The following SASS6 variants were observed in gnomAD, a reference collection of about 807,000 sequenced individuals.
SASS6 encodes SAS-6 centriolar assembly protein, also known as spindle assembly abnormal protein 6 homolog.
A neutral mutation model predicts 94.9 loss-of-function variants in SASS6; 59 were observed. That is an observed-to-expected ratio of 0.62 (90% confidence interval 0.50 to 0.77). SASS6 has a LOEUF of 0.77. Ranked by LOEUF, SASS6 falls within the 30% of genes least tolerant of loss-of-function variation. SASS6 has a pLI of 0.00. For synonymous variants in SASS6, 264 were observed against 270.0 expected (o/e 0.98, Z 0.22); for missense variants, 698 against 734.1 (o/e 0.95, Z 0.57).
At chr1:100,125,227 G>GTGTGTGTGTGTA (rs1362199283) in intron 2 of SASS6, among the ~76,000 whole-genome samples, 1 of 147,540 alleles carries the variant, frequency 6.8e-6, no homozygotes, top group African/African-American at 2.6e-5. Flanking sequence ...GCAGCAGTGT[G>GTGTGTGTGTGTA]TGTGTGTGTG....
At chr1:100,112,800 A>G (rs948811151) in intron 7 of SASS6, among the ~76,000 whole-genome samples, 1 of 152,226 alleles carries the variant, frequency 6.6e-6, no homozygotes, top group African/African-American at 2.4e-5. Flanking sequence ...GGTATCAGCT[A>G]AGAACCTATC....
intron 14 of SASS6, among the ~76,000 whole-genome samples, chr1:100,100,874 G>A (rs2101653702): frequency 6.6e-6 from 1 of 152,326 alleles, no homozygotes; most frequent in African/African-American, 2.4e-5. Flanking sequence ...TTGAGTCGGG[G>A]AGGACAAAGT....
chr1:100,093,893 T>C (rs1651934643), intron 14 of SASS6, among the ~76,000 whole-genome samples: 1 of 152,102 alleles, frequency 6.6e-6, no homozygotes, highest in African/African-American at 2.4e-5. Context: ...TAGATTAACA[T>C]AGAACTCTTA....
At chr1:100,088,032 T>C (rs927634857) in intron 15 of SASS6, 107 bp downstream of exon 15, 14 of 552,268 alleles carry the variant, frequency 2.5e-5, no homozygotes, top group African/African-American at 1.9e-4. Flanking sequence ...TAACTTGAAA[T>C]GTCTCAGGTA....
intron 14 of SASS6, among the ~76,000 whole-genome samples, chr1:100,088,892 C>T (rs1169108028): frequency 6.8e-6 from 1 of 147,134 alleles, no homozygotes. Flanking sequence ...AGACAATCAA[C>T]AATGTAACAC....
In SASS6 at chr1:100,123,246, A is replaced by AG; in HGVS notation, c.169_170insC (p.Leu57SerfsTer3). On this transcript the variant is annotated frameshift_variant, in exon 3 of 17. Coordinates refer to ENST00000287482, the MANE Select transcript of SASS6 (RefSeq NM_194292.3). LOFTEE classifies it high-confidence loss of function. ...TTCCTCAGATATAACAAGGTTATAT[A>AG]AAAAAAATGGATCCGTGTCATCAGT... 1 of 1,503,268 alleles carries AG rather than the reference A, an allele frequency of 6.7e-7. No individual in the cohort carries two copies. Among genetic ancestry groups the AG allele is most frequent in the Non-Finnish European group, 9.2e-7 (1 of 1,092,122 alleles). 93.1% of individuals were successfully genotyped at this position (1,503,268 alleles called of 1,614,324 possible). A position where few individuals can be genotyped will look rare whatever the true frequency, so the allele number is the denominator to read the frequency against.
chr1:100,112,239 G>A (rs543720691), intron 7 of SASS6, among the ~76,000 whole-genome samples: 61 of 152,074 alleles, frequency 4.0e-4, no homozygotes, highest in African/African-American at 1.3e-3. Flanking sequence ...AGTTTTGGAA[G>A]AATATTAGAT....
At chr1:100,100,350 A>C (rs1652386347) in intron 14 of SASS6, among the ~76,000 whole-genome samples, 1 of 152,334 alleles carries the variant, frequency 6.6e-6, no homozygotes, top group South Asian at 2.1e-4. Context: ...GTTTCACCAC[A>C]AAATGTAAGC....
chr1:100,118,532 C>T (rs2658648), intron 7 of SASS6, among the ~76,000 whole-genome samples: 143,350 of 152,216 alleles, frequency 0.94, 67,552 homozygotes, highest in South Asian at 0.99. Flanking sequence ...ATAACCAAAA[C>T]TTCGAAGCAT....
chr1:100,107,914 T>C lies in SASS6; in HGVS notation c.952A>G (p.Asn318Asp). 6.2e-7 allele frequency: 1 copy of C among 1,612,316 alleles called. No individual in the cohort carries two copies. Among genetic ancestry groups the C allele is most frequent in the Non-Finnish European group, 8.5e-7 (1 of 1,178,534 alleles). Residue 318 changes from asparagine (N) to aspartate (D), a missense_variant, in exon 9 of 17, where the codon AAT (asparagine) becomes GAT (aspartate). Coordinates refer to ENST00000287482, the MANE Select transcript of SASS6 (RefSeq NM_194292.3). Reference sequence around the variant, plus strand: ...ACTGCCACTTTTGTTTGTAGCTGATTAACGTGCTTTTCTTTCTCGTGGCAT... The same window carrying C: ...ACTGCCACTTTTGTTTGTAGCTGATCAACGTGCTTTTCTTTCTCGTGGCAT... ...VECHEKEKHV[N>D]QLQTKVAVLE...
intron 15 of SASS6, among the ~76,000 whole-genome samples, chr1:100,086,086 T>C (rs377565155): frequency 1.4e-5 from 2 of 138,594 alleles, no homozygotes; most frequent in South Asian, 2.1e-4. Context: ...TAAATTCTGA[T>C]CAAATTAATA....
At chr1:100,132,686 C>T in intron 1 of SASS6, 64 bp downstream of exon 1, 2 of 1,332,206 alleles carry the variant, frequency 1.5e-6, no homozygotes, top group South Asian at 1.2e-5. Context: ...GCCAGAACCG[C>T]CATCTTTCCC....
chr1:100,118,198 C>T (rs1653931816), intron 7 of SASS6, among the ~76,000 whole-genome samples: 1 of 152,050 alleles, frequency 6.6e-6, no homozygotes, highest in Admixed American at 6.6e-5. Context: ...GCCTGTAATC[C>T]CAGCTACTTG....
intron 7 of SASS6, among the ~76,000 whole-genome samples, chr1:100,116,309 T>C (rs903560521): frequency 2.6e-5 from 4 of 152,130 alleles, no homozygotes; most frequent in Non-Finnish European, 5.9e-5. Flanking sequence ...ATACTAATAA[T>C]AGGCAAATTA....
intron 1 of SASS6, among the ~76,000 whole-genome samples, chr1:100,126,983 G>A (rs1654666134): frequency 6.6e-6 from 1 of 152,072 alleles, no homozygotes; most frequent in Admixed American, 6.6e-5. Flanking sequence ...TTTTATCCTT[G>A]AGTAAAGTAA....
chr1:100,100,571 C>T (rs1652404178), intron 14 of SASS6, among the ~76,000 whole-genome samples: 1 of 152,182 alleles, frequency 6.6e-6, no homozygotes, highest in Non-Finnish European at 1.5e-5. Context: ...TTTGTCAGAA[C>T]AGCACAATCT....
chr1:100,085,231 T>A lies in SASS6; in HGVS notation c.*97A>T. On this transcript the variant is annotated 3_prime_UTR_variant, in exon 17 of 17. Coordinates refer to ENST00000287482, the MANE Select transcript of SASS6 (RefSeq NM_194292.3). ...CAGTCTTTAACAGCTCAAGTAAAAT[T>A]TGAAACTTGCTATTTGAGGATCTGG... 1 of 803,332 alleles carries A rather than the reference T, an allele frequency of 1.2e-6. No individual in the cohort carries two copies. Among genetic ancestry groups the A allele is most frequent in the African/African-American group, 1.7e-5 (1 of 58,498 alleles). 49.8% of individuals were successfully genotyped at this position (803,332 alleles called of 1,614,324 possible).
At chr1:100,119,183 T>C (rs778936477) in intron 6 of SASS6, 46 bp from the exon 7 acceptor site, 2 of 1,131,780 alleles carry the variant, frequency 1.8e-6, no homozygotes, top group South Asian at 3.8e-5. Context: ...CTCCTTAATA[T>C]GTAATAATTT....
intron 14 of SASS6, among the ~76,000 whole-genome samples, chr1:100,102,080 G>A (rs1033668842): frequency 6.6e-6 from 1 of 151,846 alleles, no homozygotes; most frequent in Non-Finnish European, 1.5e-5. Flanking sequence ...TTAAACTATT[G>A]TGAAAACAAA....
Sources: allele counts gnomAD v4.1 joint callset (sites outside exome capture counted in the v4.1 genomes callset), GRCh38; gene constraint gnomAD v4.1.1; transcripts MANE v1.5; gene names NCBI Gene and HGNC (gene_info 2026-07-23, HGNC 2026-07-21).